Variants in PHF24 observed in about 807,000 individuals in gnomAD.
PHF24 encodes the protein PHD finger protein 24, also known as Galpha inhibitory interacting protein.
PHF24 carries 25 observed loss-of-function variants against 42.6 expected under a neutral mutation model. The observed-to-expected ratio is 0.59, with a 90% CI of 0.43 to 0.82. The LOEUF (loss-of-function observed/expected upper bound fraction) is 0.82, where lower values mean the gene tolerates loss of function less well. Ranked by LOEUF, PHF24 falls within the 40% of genes least tolerant of loss-of-function variation. PHF24 has a pLI of 0.00. For missense variants in PHF24, 470 were observed against 538.1 expected (o/e 0.87, Z 1.25); for synonymous variants, 185 against 204.8 (o/e 0.90, Z 0.83).
chr9:34,810,296 C>T, the PHF24 span, among the ~76,000 whole-genome samples: 1 of 152,138 alleles, frequency 6.6e-6, no homozygotes, highest in Non-Finnish European at 1.5e-5. Context: ...TGGATGAACC[C>T]CGAGTGACAG....
At chr9:34,938,909 C>T in the PHF24 span, among the ~76,000 whole-genome samples, 3 of 143,444 alleles carry the variant, frequency 2.1e-5, no homozygotes, top group South Asian at 6.7e-4. Context: ...CGCACTCCAG[C>T]CTGGGCGACA....
At chr9:34,696,781 C>T in the PHF24 span, among the ~76,000 whole-genome samples, 1 of 152,122 alleles carries the variant, frequency 6.6e-6, no homozygotes, top group Non-Finnish European at 1.5e-5. Flanking sequence ...AGGATAATTC[C>T]CCCTTCCCCT....
chr9:34,671,237 C>T, the PHF24 span, among the ~76,000 whole-genome samples: 1 of 152,148 alleles, frequency 6.6e-6, no homozygotes, highest in Admixed American at 6.5e-5. Flanking sequence ...CACAGAGTAA[C>T]AGGAAAAGAA....
the PHF24 span, among the ~76,000 whole-genome samples, chr9:34,907,177 A>G: frequency 6.6e-6 from 1 of 152,076 alleles, no homozygotes; most frequent in Non-Finnish European, 1.5e-5. Context: ...CACCCAGGGA[A>G]CTTTATCTGT....
chr9:34,971,514 T>C, exon 2 of PHF24: 1 of 1,612,348 alleles, frequency 6.2e-7, no homozygotes, highest in Non-Finnish European at 8.5e-7. Context: ...AGGAAGAGAG[T>C]AGTGCCGGCC....
the PHF24 span, among the ~76,000 whole-genome samples, chr9:34,941,781 A>G: frequency 6.6e-6 from 1 of 152,118 alleles, no homozygotes; most frequent in South Asian, 2.1e-4. Flanking sequence ...CCCCTTTTAT[A>G]AGGACATTAA....
the PHF24 span, chr9:34,690,083 C>T: frequency 6.3e-7 from 1 of 1,593,210 alleles, no homozygotes; most frequent in Admixed American, 1.7e-5. Context: ...GGGACCATGT[C>T]TGGGAACCTG....
chr9:34,698,115 T>C, the PHF24 span, among the ~76,000 whole-genome samples: 1 of 152,050 alleles, frequency 6.6e-6, no homozygotes, highest in South Asian at 2.1e-4. Flanking sequence ...AGTGGAAAAA[T>C]TCTAGACCTT....
the PHF24 span, among the ~76,000 whole-genome samples, chr9:34,767,184 G>A: frequency 6.6e-6 from 1 of 152,332 alleles, no homozygotes; most frequent in South Asian, 2.1e-4. Flanking sequence ...CAGTCTGCCC[G>A]TTCTCAGATC....
At chr9:34,886,231 T>C in the PHF24 span, among the ~76,000 whole-genome samples, 2 of 133,842 alleles carry the variant, frequency 1.5e-5, no homozygotes, top group African/African-American at 5.7e-5. Flanking sequence ...CATCCAACCA[T>C]CCAACAGACT....
intron 1 of PHF24, among the ~76,000 whole-genome samples, chr9:34,967,579 G>T (rs75783690): frequency 0.027 from 4,150 of 152,270 alleles, 72 homozygotes; most frequent in East Asian, 0.073. Flanking sequence ...AAAATATGAA[G>T]AATTATCTGT....
the PHF24 span, chr9:34,726,431 C>T: frequency 6.6e-5 from 103 of 1,550,904 alleles, no homozygotes; most frequent in Middle Eastern, 1.7e-4. Context: ...TGGATGCATC[C>T]GGTTCAGGGT....
the PHF24 span, among the ~76,000 whole-genome samples, chr9:34,695,147 A>T: frequency 6.6e-6 from 1 of 152,074 alleles, no homozygotes; most frequent in East Asian, 1.9e-4. Flanking sequence ...GGGGAGTCCC[A>T]CCCACTCCCC....
chr9:34,740,597 C>T, the PHF24 span, among the ~76,000 whole-genome samples: 5 of 152,182 alleles, frequency 3.3e-5, no homozygotes, highest in African/African-American at 7.2e-5. Flanking sequence ...CGCGCAGCCC[C>T]GGTTCCCGCT....
the PHF24 span, among the ~76,000 whole-genome samples, chr9:34,779,227 A>G: frequency 6.6e-6 from 1 of 152,076 alleles, no homozygotes; most frequent in Non-Finnish European, 1.5e-5. Flanking sequence ...AGCAGAAGGA[A>G]GAAAATAATA....
At chr9:34,667,758 C>G in the PHF24 span, among the ~76,000 whole-genome samples, 2 of 152,174 alleles carry the variant, frequency 1.3e-5, no homozygotes, top group African/African-American at 2.4e-5. Flanking sequence ...CAGGGCTGGT[C>G]TAGAGGCTGC....
chr9:34,879,498 ATAG>A, the PHF24 span, among the ~76,000 whole-genome samples: 82 of 151,120 alleles, frequency 5.4e-4, no homozygotes, highest in Admixed American at 1.5e-3. Context: ...ACTAAACAGT[ATAG>A]ACCTTAAATG....
chr9:34,922,987 G>T, the PHF24 span: 1 of 967,152 alleles, frequency 1.0e-6, no homozygotes, highest in Non-Finnish European at 1.5e-6. Context: ...TACCTGGGGG[G>T]TGCTGCTGGG....
chr9:34,711,808 G>T, the PHF24 span, among the ~76,000 whole-genome samples: 6 of 152,172 alleles, frequency 3.9e-5, no homozygotes, highest in Non-Finnish European at 8.8e-5. Context: ...CTCCCAAAGT[G>T]CTGGGATTAC....
Sources: gnomAD v4.1 joint callset for allele counts (sites outside exome capture counted in the v4.1 genomes callset) on GRCh38, gnomAD v4.1.1 for gene constraint, MANE v1.5 for transcripts, NCBI Gene and HGNC (gene_info 2026-07-23, HGNC 2026-07-21) for gene names.